Variants in NPAS1 observed in about 807,000 individuals in gnomAD.
NPAS1 encodes neuronal PAS domain protein 1, also known as neuronal PAS domain-containing protein 1.
NPAS1 carries 29 observed loss-of-function variants against 49.2 expected under a neutral mutation model. The observed-to-expected ratio is 0.59, with a 90% confidence interval of 0.44 to 0.80. The LOEUF is 0.80. Among genes scored for constraint, NPAS1 ranks in the 30% least tolerant of loss-of-function variants. The pLI, the probability that NPAS1 is intolerant of heterozygous loss-of-function variation, is 0.00. For synonymous variants in NPAS1, 408 were observed against 380.4 expected, an observed-to-expected ratio of 1.07 and a Z score of -0.84; for missense variants, 825 against 835.5, an observed-to-expected ratio of 0.99 and a Z score of 0.15.
chr19:47,020,426 T>G (rs1451897925), intron 1 of NPAS1, among the ~76,000 whole-genome samples: 1 of 150,440 alleles, frequency 6.6e-6, no homozygotes, highest in Admixed American at 6.6e-5. Context: ...GTTGTGGTCG[T>G]GGGGATGTGG....
intron 1 of NPAS1, among the ~76,000 whole-genome samples, chr19:47,020,565 G>C (rs2056832318): frequency 6.6e-6 from 1 of 151,468 alleles, no homozygotes; most frequent in Non-Finnish European, 1.5e-5. Flanking sequence ...GATCCGGGGA[G>C]TCAGACACCG....
chr19:47,026,413 A>G (rs1428979671), intron 3 of NPAS1, among the ~76,000 whole-genome samples: 1 of 152,186 alleles, frequency 6.6e-6, no homozygotes, highest in Admixed American at 6.5e-5. Flanking sequence ...GCTGTTACCC[A>G]CAGTGAGAGG....
chr19:47,038,456 G>A (rs1001252850), intron 6 of NPAS1, among the ~76,000 whole-genome samples: 5 of 151,272 alleles, frequency 3.3e-5, no homozygotes, highest in Admixed American at 6.6e-5. Context: ...GACGGAGGTC[G>A]CAGTAGGCCG....
chr19:47,043,470 A>C (rs2057043457), intron 11 of NPAS1, among the ~76,000 whole-genome samples: 1 of 151,862 alleles, frequency 6.6e-6, no homozygotes, highest in Admixed American at 6.6e-5. Flanking sequence ...TGCTCCTGTA[A>C]TCCCAACTAC....
chr19:47,032,181 T>G, intron 3 of NPAS1, 97 bp from the exon 4 acceptor site: 4 of 1,111,128 alleles, frequency 3.6e-6, no homozygotes, highest in Non-Finnish European at 5.4e-6. Context: ...CTACAAGCCT[T>G]AGGGGAAGAG....
intron 6 of NPAS1, among the ~76,000 whole-genome samples, chr19:47,038,471 C>T (rs983794834): frequency 3.4e-5 from 5 of 147,632 alleles, no homozygotes; most frequent in Non-Finnish European, 1.5e-5. Flanking sequence ...AGGCCGAGAT[C>T]GTGCCACTGC....
At chr19:47,024,732 C>T (rs16980813) in intron 3 of NPAS1, among the ~76,000 whole-genome samples, 24,614 of 151,636 alleles carry the variant, frequency 0.16, 2,327 homozygotes, top group South Asian at 0.39. Context: ...AATGGGACAA[C>T]AGATGTTCAA....
intron 6 of NPAS1, among the ~76,000 whole-genome samples, chr19:47,037,173 G>A (rs1424701466): frequency 1.3e-5 from 2 of 151,578 alleles, no homozygotes; most frequent in African/African-American, 4.9e-5. Context: ...CCAGCATGGT[G>A]AAACCCCATC....
intron 6 of NPAS1, among the ~76,000 whole-genome samples, chr19:47,038,052 C>A (rs1389481490): frequency 6.6e-6 from 1 of 152,146 alleles, no homozygotes; most frequent in Non-Finnish European, 1.5e-5. Context: ...ATAGGGGAAC[C>A]CAGAGGGGAT....
chr19:47,026,894 G>T (rs1017994321), intron 3 of NPAS1, among the ~76,000 whole-genome samples: 10 of 151,798 alleles, frequency 6.6e-5, no homozygotes, highest in African/African-American at 2.4e-4. Context: ...CAGAGGTTGC[G>T]GTGAGCTGAG....
chr19:47,042,399 C>G (rs543116508), intron 10 of NPAS1, among the ~76,000 whole-genome samples: 33 of 152,312 alleles, frequency 2.2e-4, no homozygotes, highest in African/African-American at 7.7e-4. Context: ...AGGGCAGAGG[C>G]TGGGGCCAGT....
intron 3 of NPAS1, 27 bp from the exon 4 acceptor site, chr19:47,032,251 C>G (rs1189831609): frequency 6.2e-7 from 1 of 1,608,890 alleles, no homozygotes; most frequent in Non-Finnish European, 8.5e-7. Flanking sequence ...GCCAGACTAA[C>G]AGGCTTCATC....
intron 3 of NPAS1, among the ~76,000 whole-genome samples, chr19:47,026,140 C>T (rs10424139): frequency 0.085 from 12,895 of 151,772 alleles, 1,113 homozygotes; most frequent in African/African-American, 0.22. Flanking sequence ...GGTTTCGCCA[C>T]GTTGGCCAGG....
intron 3 of NPAS1, among the ~76,000 whole-genome samples, chr19:47,024,462 G>A (rs553152533): frequency 3.3e-5 from 5 of 151,934 alleles, no homozygotes; most frequent in Non-Finnish European, 7.4e-5. Flanking sequence ...GACCTGCCTC[G>A]GCAATATAGC....
chr19:47,038,922 G>A (rs1231168047), intron 6 of NPAS1, 114 bp from the exon 7 acceptor site: 36 of 832,750 alleles, frequency 4.3e-5, no homozygotes, highest in East Asian at 1.5e-4. Context: ...CTCTGAGTGC[G>A]GCCGTGGCCC....
chr19:47,019,850 C>T lies in NPAS1; in HGVS notation c.-190C>T, dbSNP rs2056827236. The T allele has an allele frequency of 3.2e-6, 1 of 309,814 alleles. No individual in the cohort carries two copies. The highest frequency in any genetic ancestry group is 5.9e-6 in the Non-Finnish European group (1 of 169,486). The allele number at this position is 309,814 out of a possible 1,614,324, so 19.2% of individuals were successfully genotyped here. ...CAAGTCTGCGAGGCCGAGGTGGGCGCCGAGAGCTGGGCGCCACAGCCCGCG... is the reference window on the plus strand; with the variant it reads ...CAAGTCTGCGAGGCCGAGGTGGGCGTCGAGAGCTGGGCGCCACAGCCCGCG... On this transcript the variant is annotated 5_prime_UTR_variant, in exon 1 of 12. Transcript: ENST00000602212.
chr19:47,036,489 C>CCGGCACTT (rs952650299), intron 6 of NPAS1, among the ~76,000 whole-genome samples: 4 of 152,230 alleles, frequency 2.6e-5, no homozygotes, highest in Admixed American at 2.6e-4. Flanking sequence ...GCCTGTAACC[C>CCGGCACTT]CGGCACTTCG....
rs752459837 is a variant in NPAS1 at position 47,045,431 on chromosome 19, ACC to A, written c.1558_1559del (p.Pro520AlafsTer91). ...CCATGGGGCCTGGCGCCTCCCGGGG[ACC>A]CCCCGCCCACCCTCCTGCACGCGGG... On this transcript the variant is annotated frameshift_variant, in exon 12 of 12. Transcript: ENST00000602212. LOFTEE classifies it low-confidence loss of function (END_TRUNC). 1 of 1,602,888 alleles carries A rather than the reference ACC, an allele frequency of 6.2e-7. No individual in the cohort carries two copies. The highest frequency in any genetic ancestry group is 8.5e-7 in the Non-Finnish European group (1 of 1,175,964).
At chr19:47,042,096 A>G (rs2057028864) in intron 10 of NPAS1, among the ~76,000 whole-genome samples, 1 of 151,932 alleles carries the variant, frequency 6.6e-6, no homozygotes, top group Non-Finnish European at 1.5e-5. Flanking sequence ...TCACGAGGTC[A>G]GGAGTTGAAG....
Sources: gnomAD v4.1 joint callset for allele counts (sites outside exome capture counted in the v4.1 genomes callset) on GRCh38, gnomAD v4.1.1 for gene constraint, MANE v1.5 for transcripts, NCBI Gene and HGNC (gene_info 2026-07-23, HGNC 2026-07-21) for gene names.